Variants in WIPF3 observed in about 807,000 individuals in gnomAD.
WIPF3 encodes WAS/WASL interacting protein family member 3, also known as WAS/WASL-interacting protein family member 3.
WIPF3 carries 33 observed loss-of-function variants against 38.9 expected under a neutral mutation model. The ratio of observed to expected loss-of-function variants is 0.85; its 90% CI spans 0.64 to 1.14. The LOEUF (loss-of-function observed/expected upper bound fraction) is 1.14, where lower values mean the gene tolerates loss of function less well. WIPF3 is among the 50% of genes most tolerant of loss of function. The probability of loss-of-function intolerance (pLI) is 0.00; values close to 1 mark genes in which losing one functional copy is unlikely to be tolerated. For missense variants in WIPF3, 711 were observed against 652.5 expected (o/e 1.09, Z -0.98); for synonymous variants, 324 against 269.3 (o/e 1.20, Z -1.99).
chr7:29,815,718 C>T lies in WIPF3; in HGVS notation c.-58+9040C>T. Among the ~76,000 whole-genome samples, 2 of 152,104 alleles carry T rather than the reference C, an allele frequency of 1.3e-5. 1 individual carries two copies. Among genetic ancestry groups the T allele is most frequent in the Non-Finnish European group, 2.9e-5 (2 of 68,026 alleles). On this transcript the variant is annotated intron_variant, in intron 1 of 8. Transcript: ENST00000242140. ...TGGAACCAACTTAAAATTATCCATG[C>T]CTAATAGAGCATCATGTCTTAAAAC...
intron 5 of WIPF3, among the ~76,000 whole-genome samples, chr7:29,886,349 T>A (rs1785880550): frequency 1.2e-4 from 1 of 8,360 alleles, no homozygotes; most frequent in East Asian, 3.5e-3. Context: ...AGACAAAGCT[T>A]TTTTTTTTTT....
At chr7:29,867,567 CTTTTT>C (rs57116279) in intron 2 of WIPF3, among the ~76,000 whole-genome samples, 3 of 76,080 alleles carry the variant, frequency 3.9e-5, no homozygotes, top group Non-Finnish European at 8.0e-5. Context: ...CACACCCCAG[CTTTTT>C]TTTTTTTTTT....
At chr7:29,807,779 G>C (rs1462709990) in intron 1 of WIPF3, among the ~76,000 whole-genome samples, 5 of 152,224 alleles carry the variant, frequency 3.3e-5, no homozygotes, top group African/African-American at 1.2e-4. Flanking sequence ...CTTCGCCTCT[G>C]TGCCTGGGGT....
intron 2 of WIPF3, among the ~76,000 whole-genome samples, chr7:29,870,222 G>A (rs1785470578): frequency 2.0e-5 from 3 of 152,130 alleles, no homozygotes; most frequent in Non-Finnish European, 4.4e-5. Context: ...TGGTCACTAA[G>A]GGCCTTATGC....
intron 1 of WIPF3, among the ~76,000 whole-genome samples, chr7:29,831,578 T>C (rs1391215808): frequency 6.6e-6 from 1 of 152,234 alleles, no homozygotes; most frequent in East Asian, 1.9e-4. Flanking sequence ...TTAGTTCCTA[T>C]ATTGGATAGG....
intron 2 of WIPF3, among the ~76,000 whole-genome samples, chr7:29,869,852 G>T (rs897216743): frequency 2.0e-5 from 3 of 152,164 alleles, no homozygotes; most frequent in African/African-American, 7.2e-5. Context: ...AGAACTGCTT[G>T]ATAACACTGG....
intron 2 of WIPF3, among the ~76,000 whole-genome samples, chr7:29,875,126 T>G (rs1386803738): frequency 6.6e-6 from 1 of 152,186 alleles, no homozygotes; most frequent in Non-Finnish European, 1.5e-5. Flanking sequence ...CATTGTAATC[T>G]TCTGCATTCC....
chr7:29,814,135 G>T (rs939437324), intron 1 of WIPF3, among the ~76,000 whole-genome samples: 37 of 152,100 alleles, frequency 2.4e-4, no homozygotes, highest in African/African-American at 8.5e-4. Context: ...TGGCCAGGCT[G>T]GTCTCGAACT....
chr7:29,876,019 G>A, intron 3 of WIPF3, 57 bp downstream of exon 3: 3 of 1,592,636 alleles, frequency 1.9e-6, no homozygotes, highest in Non-Finnish European at 2.6e-6. Flanking sequence ...AGGCATGTGA[G>A]GCACAGCCAG....
chr7:29,889,026 C>T (rs563848379), intron 6 of WIPF3, among the ~76,000 whole-genome samples: 1 of 152,320 alleles, frequency 6.6e-6, no homozygotes, highest in African/African-American at 2.4e-5. Flanking sequence ...ACCCCTTTAG[C>T]AGCTTCCTTA....
intron 7 of WIPF3, among the ~76,000 whole-genome samples, chr7:29,890,105 C>A (rs1165371800): frequency 6.6e-6 from 1 of 152,064 alleles, no homozygotes; most frequent in Non-Finnish European, 1.5e-5. Flanking sequence ...ATGCCTGTAA[C>A]CCCAGCACTT....
chr7:29,881,145 T>G (rs557606124), intron 4 of WIPF3, among the ~76,000 whole-genome samples: 1 of 152,362 alleles, frequency 6.6e-6, no homozygotes, highest in Non-Finnish European at 1.5e-5. Context: ...CGTGAGGTCT[T>G]CACTTATTAT....
chr7:29,810,897 T>A (rs1709351200), intron 1 of WIPF3, among the ~76,000 whole-genome samples: 1 of 152,200 alleles, frequency 6.6e-6, no homozygotes, highest in South Asian at 2.1e-4. Flanking sequence ...TTATTCTGTT[T>A]TTTTGTTTTT....
At chr7:29,888,697 C>T (rs1785944095) in intron 6 of WIPF3, among the ~76,000 whole-genome samples, 2 of 152,124 alleles carry the variant, frequency 1.3e-5, no homozygotes, top group African/African-American at 4.8e-5. Flanking sequence ...TCTTTCGATC[C>T]CTTCTGTGTG....
chr7:29,838,494 AT>A (rs1227356166), intron 2 of WIPF3, among the ~76,000 whole-genome samples: 1 of 152,162 alleles, frequency 6.6e-6, no homozygotes, highest in Non-Finnish European at 1.5e-5. Flanking sequence ...AACAACCCAC[AT>A]TTTTTATGAC....
intron 8 of WIPF3, among the ~76,000 whole-genome samples, chr7:29,911,797 A>T (rs1786510119): frequency 1.3e-5 from 2 of 152,130 alleles, no homozygotes; most frequent in South Asian, 4.1e-4. Context: ...TGAATCGAAG[A>T]CCTAAATGTA....
At chr7:29,812,953 T>G (rs1784402339) in intron 1 of WIPF3, among the ~76,000 whole-genome samples, 1 of 152,244 alleles carries the variant, frequency 6.6e-6, no homozygotes, top group Non-Finnish European at 1.5e-5. Context: ...CAGCCTTGCT[T>G]CTTCTCTAAA....
intron 1 of WIPF3, among the ~76,000 whole-genome samples, chr7:29,828,706 C>T (rs1784666340): frequency 6.6e-6 from 1 of 152,182 alleles, no homozygotes; most frequent in South Asian, 2.1e-4. Context: ...CCATGTCCCG[C>T]CTGCGCTCTT....
At chr7:29,843,390 G>A (rs1412652772) in intron 2 of WIPF3, among the ~76,000 whole-genome samples, 1 of 152,194 alleles carries the variant, frequency 6.6e-6, no homozygotes, top group Non-Finnish European at 1.5e-5. Context: ...GACTTGGCAA[G>A]AAAAGCCTGC....
Sources: gnomAD v4.1 joint callset for allele counts (sites outside exome capture counted in the v4.1 genomes callset) on GRCh38, gnomAD v4.1.1 for gene constraint, MANE v1.5 for transcripts, NCBI Gene and HGNC (gene_info 2026-07-23, HGNC 2026-07-21) for gene names.